The following ZNF154 variants were observed in gnomAD, a reference collection of about 807,000 sequenced individuals.
ZNF154 encodes the protein zinc finger protein 154.
A neutral mutation model predicts 7.5 loss-of-function variants in ZNF154; 6 were observed. The observed-to-expected ratio is 0.80, with a 90% CI of 0.44 to 1.57. The LOEUF (loss-of-function observed/expected upper bound fraction) is 1.57. ZNF154 is among the 40% of genes most tolerant of loss of function. The probability of loss-of-function intolerance (pLI) is 0.01; values close to 1 mark genes in which losing one functional copy is unlikely to be tolerated. For synonymous variants in ZNF154, 187 were observed against 185.9 expected, an observed-to-expected ratio of 1.01 and a Z score of -0.05; for missense variants, 485 against 531.4, an observed-to-expected ratio of 0.91 and a Z score of 0.86.
At position 57,697,695 on chromosome 19, in the gene ZNF154, C is replaced by T. The variant is rs1984951289; in HGVS notation, c.*3940G>A. 6.6e-6 allele frequency: 1 copy of T among 151,740 alleles called. No homozygotes were observed. Among genetic ancestry groups the T allele is most frequent in the South Asian group, 2.1e-4 (1 of 4,804 alleles). 9.4% of individuals were successfully genotyped at this position (151,740 alleles called of 1,614,324 possible). ...ATATCCGGGAGTATAAGTAAAATAA[C>T]GCACTAGTACACATGAGGACCGATG... On this transcript the variant is annotated 3_prime_UTR_variant, in exon 3 of 3. Coordinates refer to ENST00000684351, the MANE Select transcript of ZNF154 (RefSeq NM_001085384.3).
In ZNF154 at chr19:57,702,473, C is replaced by T; in HGVS notation, c.476G>A (p.Arg159Lys). The T allele has an allele frequency of 6.2e-7, 1 of 1,614,252 alleles. No homozygotes were observed. Among genetic ancestry groups the T allele is most frequent in the Non-Finnish European group, 8.5e-7 (1 of 1,180,052 alleles). Residue 159 changes from arginine (R) to lysine (K), a missense_variant, in exon 3 of 3, where the codon AGA (arginine) becomes AAA (lysine). Coordinates refer to ENST00000684351, the MANE Select transcript of ZNF154 (RefSeq NM_001085384.3). ...CCCACATTCACTGCATATGTAACATCTTTCTGTAGTGAGGGTTCTCTGCTG... is the reference window on the plus strand; with the variant it reads ...CCCACATTCACTGCATATGTAACATTTTTCTGTAGTGAGGGTTCTCTGCTG... ...VQQQRTLTTE[R>K]CYICSECGKS...
chr19:57,708,956 G>C lies in ZNF154; in HGVS notation c.16C>G (p.Leu6Val), dbSNP rs752595018. MAAAT[L>V]RTPTQGTVTF... ...GCACTCACCTGAGTTGGCGTCCTCA[G>C]AGTGGCCGCTGCCATCAGACTCTGC... The change falls in exon 1 of 3, where the codon CTG becomes GTG. Residue 6 changes from leucine (L) to valine (V), a missense_variant. Leu to Val is a conservative substitution (Grantham distance 32). Coordinates refer to ENST00000684351, the MANE Select transcript of ZNF154 (RefSeq NM_001085384.3). 48 of 1,560,824 alleles carry C rather than the reference G, an allele frequency of 3.1e-5. 1 individual carries two copies. The highest frequency in any genetic ancestry group is 2.4e-5 in the East Asian group (1 of 41,466).
In ZNF154 at chr19:57,702,575, A is replaced by T. The variant is rs1406895445; in HGVS notation, c.374T>A (p.Ile125Asn). The T allele has an allele frequency of 6.2e-7, 1 of 1,614,034 alleles. No individual in the cohort carries two copies. The change falls in exon 3 of 3, where the codon ATC (isoleucine) becomes AAC (asparagine). Residue 125 changes from isoleucine to asparagine, a missense_variant. Coordinates refer to ENST00000684351, the MANE Select transcript of ZNF154 (RefSeq NM_001085384.3). ...GTAATGAGTTTTTCCTCTGTGACTG[A>T]TGGCCCCACCGTCGCTTTTGCTATT... Reference protein sequence around the residue: ...QSNSKSDGGAISHRGKTHYNC... With the variant: ...QSNSKSDGGANSHRGKTHYNC...
chr19:57,707,919 G>A (rs951930105), intron 1 of ZNF154, among the ~76,000 whole-genome samples: 1 of 152,146 alleles, frequency 6.6e-6, no homozygotes, highest in Non-Finnish European at 1.5e-5. Context: ...CCAGACCCAG[G>A]ATTGGGGTAA....
intron 1 of ZNF154, among the ~76,000 whole-genome samples, chr19:57,708,127 A>G (rs1985467187): frequency 2.0e-5 from 3 of 152,170 alleles, no homozygotes; most frequent in Admixed American, 2.0e-4. Context: ...CCCTGAACTC[A>G]GGCTGGCTGT....
At chr19:57,706,341 C>G (rs1027754693) in intron 1 of ZNF154, among the ~76,000 whole-genome samples, 5 of 152,152 alleles carry the variant, frequency 3.3e-5, no homozygotes, top group African/African-American at 1.2e-4. Context: ...TGGCCCTATT[C>G]CACTTCCGTG....
Position 57,704,777 on chromosome 19 carries a change from G to A in ZNF154, c.160+76C>T. 3.2e-6 allele frequency: 5 copies of A among 1,547,946 alleles called. No individual in the cohort carries two copies. In the South Asian group the frequency reaches 6.2e-5, roughly 19 times the overall value. On this transcript the variant is annotated intron_variant, in intron 2 of 2. Coordinates refer to ENST00000684351, the MANE Select transcript of ZNF154 (RefSeq NM_001085384.3). ...AGAGCCCATAGTCTTGTCATGAGAA[G>A]GACAGACCTGCCTATAGAGAAAAGA...
chr19:57,707,416 C>T (rs1482157273), intron 1 of ZNF154, among the ~76,000 whole-genome samples: 1 of 152,182 alleles, frequency 6.6e-6, no homozygotes, highest in Non-Finnish European at 1.5e-5. Context: ...CCCTCGCTGT[C>T]TACATCAGAA....
chr19:57,702,047 T>C lies in ZNF154; in HGVS notation c.902A>G (p.Tyr301Cys). 1 of 1,614,070 alleles carries C rather than the reference T, an allele frequency of 6.2e-7. No homozygotes were observed. Among genetic ancestry groups the C allele is most frequent in the Non-Finnish European group, 8.5e-7 (1 of 1,180,024 alleles). ...TGACTTCCCACATTCGCTGCACTCATAAGGCCTGGATCCACTGTGAACTTT... is the reference window on the plus strand; with the variant it reads ...TGACTTCCCACATTCGCTGCACTCACAAGGCCTGGATCCACTGTGAACTTT... ...HQKVHSGSRPYECSECGKSFS... is the reference protein window; with the variant it reads ...HQKVHSGSRPCECSECGKSFS... The change falls in exon 3 of 3, where the codon TAT becomes TGT. Residue 301 changes from tyrosine to cysteine, a missense_variant. Coordinates refer to ENST00000684351, the MANE Select transcript of ZNF154 (RefSeq NM_001085384.3).
chr19:57,699,117 T>C lies in ZNF154; in HGVS notation c.*2518A>G, dbSNP rs571177745. 1.3e-5 allele frequency: 2 copies of C among 151,708 alleles called. No homozygotes were observed. The highest frequency in any genetic ancestry group is 2.9e-5 in the Non-Finnish European group (2 of 68,086). 9.4% of individuals were successfully genotyped at this position (151,708 alleles called of 1,614,324 possible). On this transcript the variant is annotated 3_prime_UTR_variant, in exon 3 of 3. Transcript: ENST00000684351. ...TCTTTTTTTTGAGACGGAGTCTTGT[T>C]TTGTCTGTCGTCCAGGCTGGAGTGC...
chr19:57,702,581 C>G lies in ZNF154; in HGVS notation c.368G>C (p.Gly123Ala). The G allele has an allele frequency of 6.2e-7, 1 of 1,614,050 alleles. No homozygotes were observed. Residue 123 changes from glycine to alanine, a missense_variant, in exon 3 of 3, where the codon GGG becomes GCG. Gly to Ala is a moderately conservative substitution (Grantham distance 60, BLOSUM62 0). Transcript: ENST00000684351. ...GEQSNSKSDG[G>A]AISHRGKTHY... The stretch of plus-strand genomic sequence containing the variant: ...AGTTTTTCCTCTGTGACTGATGGCC[C>G]CACCGTCGCTTTTGCTATTTGATTG...
Position 57,701,688 on chromosome 19 carries a change from A to T in ZNF154, c.1261T>A (p.Ser421Thr). The change falls in exon 3 of 3, where the codon TCC becomes ACC. Residue 421 changes from serine to threonine, a missense_variant. Ser to Thr is a moderately conservative substitution (Grantham distance 58). Coordinates refer to ENST00000684351, the MANE Select transcript of ZNF154 (RefSeq NM_001085384.3). ...ATAAGGCTGGAGTTATGGCTAAAGG[A>T]TTTCCCACATTCCGTGCACTCATAA... ...KPYECTECGK[S>T]FSHNSSLIKH... 1 of 1,614,064 alleles carries T rather than the reference A, an allele frequency of 6.2e-7. No homozygotes were observed. Among genetic ancestry groups the T allele is most frequent in the Non-Finnish European group, 8.5e-7 (1 of 1,179,928 alleles).
rs1985117613 is a variant in ZNF154, at chr19:57,701,208, C to T, written c.*427G>A. ...ATGCTTAGGCTATTTACAAATTCCT[C>T]CCATGAACAGAACACCAAGGTTCAC... On this transcript the variant is annotated 3_prime_UTR_variant, in exon 3 of 3. Transcript: ENST00000684351. 5.7e-6 allele frequency: 1 copy of T among 174,032 alleles called. No homozygotes were observed. The allele number at this position is 174,032 out of a possible 1,614,324, so 10.8% of individuals were successfully genotyped here. A position where few individuals can be genotyped will look rare whatever the true frequency, so the allele number is the denominator to read the frequency against.
In ZNF154 at chr19:57,698,770, T is replaced by C. The variant is rs1254202711; in HGVS notation, c.*2865A>G. The C allele has an allele frequency of 3.9e-5, 6 of 152,318 alleles. No homozygotes were observed. Among genetic ancestry groups the C allele is most frequent in the Admixed American group, 3.9e-4 (6 of 15,302 alleles). The allele number at this position is 152,318 out of a possible 1,614,324, so 9.4% of individuals were successfully genotyped here. On this transcript the variant is annotated 3_prime_UTR_variant, in exon 3 of 3. Coordinates refer to ENST00000684351, the MANE Select transcript of ZNF154 (RefSeq NM_001085384.3). ...CTTGCTGTTTATGTTTATTTTAGAC[T>C]ATGGAAATGTTAGACAAAACTCAAA...
rs752675101 is a variant in ZNF154, at chr19:57,697,533, GT to G, written c.*4101del. 31 of 152,196 alleles carry G rather than the reference GT, an allele frequency of 2.0e-4. No individual in the cohort carries two copies. The highest frequency in any genetic ancestry group is 3.4e-3 in the Middle Eastern group (1 of 294). The allele number at this position is 152,196 out of a possible 1,614,324, so 9.4% of individuals were successfully genotyped here. A position where few individuals can be genotyped will look rare whatever the true frequency, so the allele number is the denominator to read the frequency against. On this transcript the variant is annotated 3_prime_UTR_variant, in exon 3 of 3. Coordinates refer to ENST00000684351, the MANE Select transcript of ZNF154 (RefSeq NM_001085384.3). ...AATGATCTTCCTTAAGAAACACATT[GT>G]TTTAGACAACTGAGAAAACAGAAGC...
At chr19:57,708,334 G>A (rs1048452875) in intron 1 of ZNF154, among the ~76,000 whole-genome samples, 1 of 152,166 alleles carries the variant, frequency 6.6e-6, no homozygotes, top group Non-Finnish European at 1.5e-5. Flanking sequence ...TTGGGAGGCC[G>A]AGGCAGGAGG....
chr19:57,707,305 C>T (rs1226741734), intron 1 of ZNF154, among the ~76,000 whole-genome samples: 2 of 152,068 alleles, frequency 1.3e-5, no homozygotes, highest in Admixed American at 6.6e-5. Flanking sequence ...TCTTACATGA[C>T]CAAATAAAGC....
In ZNF154 at chr19:57,699,477, G is replaced by T; in HGVS notation, c.*2158C>A. ...TTTGGCCCAGGAACTGCTAACGAAT[G>T]TACAGTGCAGTGGTGGTTCAAGAAG... On this transcript the variant is annotated 3_prime_UTR_variant, in exon 3 of 3. Coordinates refer to ENST00000684351, the MANE Select transcript of ZNF154 (RefSeq NM_001085384.3). 1 of 367,572 alleles carries T rather than the reference G, an allele frequency of 2.7e-6. No individual in the cohort carries two copies. The highest frequency in any genetic ancestry group is 5.6e-6 in the Non-Finnish European group (1 of 178,474). 22.8% of individuals were successfully genotyped at this position (367,572 alleles called of 1,614,324 possible).
In ZNF154 at chr19:57,702,738, C is replaced by T; in HGVS notation, c.211G>A (p.Val71Met). ...GTCTTCACAAACAAGGCTCTGCCCA[C>T]ATTGCTTCTGAAATGTTTTTCTCCA... ...HLGEKHFRSN[V>M]GRALFVKTCT... Residue 71 changes from valine (V) to methionine (M), a missense_variant, in exon 3 of 3, where the codon GTG becomes ATG. By Grantham distance (21) the Val-to-Met change is conservative (BLOSUM62 1). Coordinates refer to ENST00000684351, the MANE Select transcript of ZNF154 (RefSeq NM_001085384.3). The T allele has an allele frequency of 6.2e-7, 1 of 1,604,816 alleles. No homozygotes were observed. The highest frequency in any genetic ancestry group is 8.5e-7 in the Non-Finnish European group (1 of 1,172,534).
Sources: gnomAD v4.1 joint callset for allele counts (sites outside exome capture counted in the v4.1 genomes callset) on GRCh38, gnomAD v4.1.1 for gene constraint, MANE v1.5 for transcripts, NCBI Gene and HGNC (gene_info 2026-07-23, HGNC 2026-07-21) for gene names.